Variants in KCND2 observed in about 807,000 individuals in gnomAD.
KCND2 encodes the protein A-type voltage-gated potassium channel KCND2.
In KCND2, 16 loss-of-function variants were observed where a neutral mutation model predicts 54.4. That is an observed-to-expected ratio of 0.29 (90% CI 0.20 to 0.45). The LOEUF (loss-of-function observed/expected upper bound fraction) is 0.45, where lower values mean the gene tolerates loss of function less well. KCND2 is among the 20% of genes least tolerant of loss of function. The probability of loss-of-function intolerance (pLI) is 1.00; values close to 1 mark genes in which losing one functional copy is unlikely to be tolerated. For missense variants in KCND2, 486 were observed against 824.2 expected (o/e 0.59, Z 5.02); for synonymous variants, 317 against 310.7 (o/e 1.02, Z -0.21).
chr7:120,629,205 G>A (rs973976094), intron 1 of KCND2, among the ~76,000 whole-genome samples: 3 of 152,098 alleles, frequency 2.0e-5, no homozygotes, highest in African/African-American at 4.8e-5. Flanking sequence ...TAGAAAGAAG[G>A]GGCCGGGCAC....
intron 1 of KCND2, among the ~76,000 whole-genome samples, chr7:120,596,980 C>T (rs1017467944): frequency 3.3e-5 from 5 of 152,190 alleles, no homozygotes; most frequent in African/African-American, 1.2e-4. Flanking sequence ...CTTGAAGACA[C>T]TAAGTGACTA....
chr7:120,593,541 C>G (rs1792697129), intron 1 of KCND2, among the ~76,000 whole-genome samples: 1 of 152,064 alleles, frequency 6.6e-6, no homozygotes, highest in South Asian at 2.1e-4. Flanking sequence ...TAGCTACAAA[C>G]CGAGCTAATA....
At chr7:120,513,222 G>A (rs802332) in intron 1 of KCND2, among the ~76,000 whole-genome samples, 36,736 of 152,006 alleles carry the variant, frequency 0.24, 7,731 homozygotes, top group African/African-American at 0.56. Context: ...CTGCACAAAC[G>A]TGCTGAAGCA....
chr7:120,712,708 A>C (rs1331126401), intron 1 of KCND2, among the ~76,000 whole-genome samples: 2 of 152,232 alleles, frequency 1.3e-5, no homozygotes, highest in African/African-American at 4.8e-5. Context: ...GTTTTAAAAT[A>C]GAAGGAAACG....
At chr7:120,739,236 G>T (rs866133276) in intron 2 of KCND2, among the ~76,000 whole-genome samples, 1 of 152,022 alleles carries the variant, frequency 6.6e-6, no homozygotes, top group Admixed American at 6.6e-5. Context: ...TGAAGGGAGG[G>T]AGGGAGGAGT....
intron 1 of KCND2, among the ~76,000 whole-genome samples, chr7:120,393,754 A>G (rs1801111932): frequency 1.3e-5 from 2 of 152,058 alleles, no homozygotes; most frequent in Admixed American, 6.6e-5. Flanking sequence ...CCATCAAGCA[A>G]CATGGTGAAT....
chr7:120,283,173 G>A (rs1799289901), intron 1 of KCND2, among the ~76,000 whole-genome samples: 2 of 152,186 alleles, frequency 1.3e-5, no homozygotes, highest in South Asian at 4.1e-4. Flanking sequence ...ACTTCAAGGT[G>A]GGATGAAGTT....
chr7:120,603,095 C>G, intron 1 of KCND2, among the ~76,000 whole-genome samples: 1 of 152,204 alleles, frequency 6.6e-6, no homozygotes, highest in East Asian at 1.9e-4. Flanking sequence ...ATGAAAAGAT[C>G]TACCTTACTA....
intron 1 of KCND2, among the ~76,000 whole-genome samples, chr7:120,395,849 G>A (rs1439338464): frequency 6.6e-6 from 1 of 151,890 alleles, no homozygotes; most frequent in African/African-American, 2.4e-5. Flanking sequence ...GGGGTTGCTG[G>A]CCTCTTCACT....
chr7:120,735,698 T>C lies in KCND2; in HGVS notation c.1278+2633T>C, dbSNP rs1792861471. Among the ~76,000 whole-genome samples, 3 of 152,250 alleles carry C rather than the reference T, an allele frequency of 2.0e-5. No individual in the cohort carries two copies. The South Asian group carries it at 6.2e-4, about 32-fold the overall frequency. On this transcript the variant is annotated intron_variant, in intron 2 of 5. Transcript: ENST00000331113. Reference sequence around the variant, plus strand: ...AAAAGTATATTTTGTGAATGCTTTTTGGTATCTTTAAATATTTGCTATATT... The same window carrying C: ...AAAAGTATATTTTGTGAATGCTTTTCGGTATCTTTAAATATTTGCTATATT...
At chr7:120,412,343 T>G (rs1445908575) in intron 1 of KCND2, among the ~76,000 whole-genome samples, 1 of 152,072 alleles carries the variant, frequency 6.6e-6, no homozygotes, top group Non-Finnish European at 1.5e-5. Context: ...AGAGTCTCAG[T>G]TCTGTTCCTG....
chr7:120,562,940 T>G (rs920926822), intron 1 of KCND2, among the ~76,000 whole-genome samples: 3 of 152,138 alleles, frequency 2.0e-5, no homozygotes, highest in Non-Finnish European at 4.4e-5. Flanking sequence ...AGGTAAAGTA[T>G]TTTTTGAAAA....
rs1027572674 is a variant in KCND2, at chr7:120,400,026, T to C, written c.1115+124279T>C. ...CAGGCATGAGCCACCGCACCCGGCC[T>C]CTAACTAATTTTATAAATTAAAATT... On this transcript the variant is annotated intron_variant, in intron 1 of 5. Coordinates refer to ENST00000331113, the MANE Select transcript of KCND2 (RefSeq NM_012281.3). 2.6e-5 allele frequency among the ~76,000 whole-genome samples: 4 copies of C among 152,178 alleles called. No homozygotes were observed. In the East Asian group the frequency reaches 7.7e-4, roughly 29 times the overall value.
intron 1 of KCND2, among the ~76,000 whole-genome samples, chr7:120,312,491 G>C (rs1215059999): frequency 1.3e-5 from 2 of 152,130 alleles, no homozygotes; most frequent in Non-Finnish European, 2.9e-5. Flanking sequence ...GAATTGGAAA[G>C]TATTTACTGA....
chr7:120,653,662 G>C (rs1791766792), intron 1 of KCND2, among the ~76,000 whole-genome samples: 1 of 152,120 alleles, frequency 6.6e-6, no homozygotes, highest in African/African-American at 2.4e-5. Flanking sequence ...TAGTTTTATT[G>C]TAGGGATAAA....
chr7:120,473,953 C>T (rs548626528), intron 1 of KCND2, among the ~76,000 whole-genome samples: 1 of 152,206 alleles, frequency 6.6e-6, no homozygotes, highest in African/African-American at 2.4e-5. Flanking sequence ...TGTTCTTTAT[C>T]CAGGTAGTTG....
At chr7:120,589,643 A>G (rs1792645366) in intron 1 of KCND2, among the ~76,000 whole-genome samples, 1 of 152,184 alleles carries the variant, frequency 6.6e-6, no homozygotes, top group African/African-American at 2.4e-5. Context: ...TTTGTCTTTT[A>G]TGAGTTCAAT....
intron 1 of KCND2, among the ~76,000 whole-genome samples, chr7:120,562,999 A>G (rs1054853485): frequency 6.6e-5 from 10 of 152,226 alleles, no homozygotes; most frequent in Admixed American, 2.0e-4. Context: ...GCTTCAATCT[A>G]TCTGCAATAC....
At chr7:120,397,969 ATAAGTG>A (rs1365721452) in intron 1 of KCND2, among the ~76,000 whole-genome samples, 4 of 128,048 alleles carry the variant, frequency 3.1e-5, no homozygotes, top group Non-Finnish European at 5.1e-5. Flanking sequence ...GTGTGTGTAT[ATAAGTG>A]TGTGTGTGTG....
Sources: gnomAD v4.1 joint callset for allele counts (sites outside exome capture counted in the v4.1 genomes callset) on GRCh38, gnomAD v4.1.1 for gene constraint, MANE v1.5 for transcripts, NCBI Gene and HGNC (gene_info 2026-07-23, HGNC 2026-07-21) for gene names.